Variants in GPM6A observed in about 807,000 individuals in gnomAD.
GPM6A encodes glycoprotein M6A, also known as neuronal membrane glycoprotein M6-a.
GPM6A carries 7 observed loss-of-function variants against 32.1 expected under a neutral mutation model. The observed-to-expected ratio is 0.22, with a 90% CI of 0.12 to 0.41. GPM6A has a LOEUF of 0.41. Ranked by LOEUF, GPM6A falls within the 10% of genes least tolerant of loss-of-function variation. GPM6A has a pLI of 1.00. For synonymous variants in GPM6A, 130 were observed against 123.4 expected (o/e 1.05, Z -0.35); for missense variants, 235 against 347.2 (o/e 0.68, Z 2.57).
chr4:175,794,457 A>T (rs191147649), intron 1 of GPM6A, among the ~76,000 whole-genome samples: 213 of 152,368 alleles, frequency 1.4e-3, no homozygotes, highest in African/African-American at 4.7e-3. Flanking sequence ...ACAATAACTT[A>T]AACAAGGAAT....
At chr4:175,824,428 C>T (rs1207484901) in intron 1 of GPM6A, among the ~76,000 whole-genome samples, 1 of 152,188 alleles carries the variant, frequency 6.6e-6, no homozygotes, top group Non-Finnish European at 1.5e-5. Flanking sequence ...CTGTTTTCGG[C>T]ATTTACTATT....
intron 2 of GPM6A, among the ~76,000 whole-genome samples, chr4:175,683,499 G>A (rs997183248): frequency 6.6e-6 from 1 of 152,142 alleles, no homozygotes; most frequent in Non-Finnish European, 1.5e-5. Context: ...GAGTCCAGGA[G>A]TGGAGTGATA....
In GPM6A at chr4:175,852,799, C is replaced by A. The variant is rs564690857; in HGVS notation, c.-22-40550G>T. 4.6e-5 allele frequency among the ~76,000 whole-genome samples: 7 copies of A among 152,222 alleles called. No homozygotes were observed. In the South Asian group the frequency reaches 1.4e-3, roughly 32 times the overall value. On this transcript the variant is annotated intron_variant, in intron 1 of 7. Transcript: ENST00000280187. ...TCAGGGAAACAGGAAGGAAAAAAAT[C>A]TTGAAACTTCAATGAAAATGTCAAA...
At chr4:175,848,432 T>G (rs915945617) in intron 1 of GPM6A, among the ~76,000 whole-genome samples, 17 of 152,130 alleles carry the variant, frequency 1.1e-4, no homozygotes, top group African/African-American at 4.1e-4. Flanking sequence ...ATACCTACAT[T>G]TGAAAAATAT....
At chr4:175,890,845 C>T (rs1157795574) in intron 1 of GPM6A, among the ~76,000 whole-genome samples, 1 of 152,106 alleles carries the variant, frequency 6.6e-6, no homozygotes, top group African/African-American at 2.4e-5. Context: ...CATGAGCCAT[C>T]ACACCCCTCT....
chr4:175,692,239 C>A (rs1472694782), intron 2 of GPM6A, among the ~76,000 whole-genome samples: 1 of 152,240 alleles, frequency 6.6e-6, no homozygotes, highest in East Asian at 1.9e-4. Context: ...GTCTAGATTT[C>A]TTCCCTGGGA....
intron 1 of GPM6A, among the ~76,000 whole-genome samples, chr4:175,900,440 T>C (rs1737927328): frequency 7.0e-6 from 1 of 143,402 alleles, no homozygotes; most frequent in African/African-American, 2.6e-5. Flanking sequence ...AATAATCCGG[T>C]CAAAAAATGG....
intron 1 of GPM6A, among the ~76,000 whole-genome samples, chr4:175,758,216 C>T (rs1252596795): frequency 1.1e-4 from 16 of 152,138 alleles, no homozygotes; most frequent in Admixed American, 1.0e-3. Context: ...TATTTTAAAA[C>T]ATACAACACA....
chr4:175,766,653 C>CTTTT (rs763676067), intron 1 of GPM6A, among the ~76,000 whole-genome samples: 2 of 132,712 alleles, frequency 1.5e-5, no homozygotes, highest in Non-Finnish European at 1.6e-5. Context: ...TCCACTTACT[C>CTTTT]TTTTTTTTTT....
chr4:175,860,268 G>GA lies in GPM6A; in HGVS notation c.-22-48020dup, dbSNP rs33912412. 7.3e-3 allele frequency among the ~76,000 whole-genome samples: 1,094 copies of GA among 150,134 alleles called. 12 individuals are homozygous for GA. The highest frequency in any genetic ancestry group is 0.024 in the African/African-American group (995 of 40,874). Reference sequence around the variant, plus strand: ...CAATGAAACTGAAAGCTGAGTCTTTGAAAAAAAAATCGATAAAATTAACAA... The same window carrying GA: ...CAATGAAACTGAAAGCTGAGTCTTTGAAAAAAAAAATCGATAAAATTAACAA... On this transcript the variant is annotated intron_variant, in intron 1 of 7. Transcript: ENST00000280187.
chr4:175,649,662 G>A (rs1341282059), intron 4 of GPM6A, among the ~76,000 whole-genome samples: 1 of 152,140 alleles, frequency 6.6e-6, no homozygotes, highest in Non-Finnish European at 1.5e-5. Context: ...CGACCCTCAT[G>A]TTTTCCTGTG....
At chr4:176,002,369 C>A (rs1255102886), upstream of GPM6A, 23 of 1,565,288 alleles carry the variant, frequency 1.5e-5, no homozygotes, top group Non-Finnish European at 2.0e-5. Context: ...CCAGACGCTG[C>A]GCGGGGCCAA....
At chr4:175,976,625 G>T (rs1183432418) in intron 1 of GPM6A, among the ~76,000 whole-genome samples, 1 of 152,136 alleles carries the variant, frequency 6.6e-6, no homozygotes, top group East Asian at 1.9e-4. Context: ...ACAACAAAGA[G>T]GGCAAAGTGC....
In GPM6A at chr4:175,948,997, G is replaced by A. The variant is rs115870707; in HGVS notation, c.-23+53312C>T. Among the ~76,000 whole-genome samples the A allele has an allele frequency of 9.2e-3, 1,388 of 151,286 alleles. 19 individuals carry two copies. Among genetic ancestry groups the A allele is most frequent in the African/African-American group, 0.032 (1,325 of 41,154 alleles). ...TGTGTGTGTGTGTGTGTGTGTGTTG[G>A]GGGGATGTGGTGGAGGGATGAGGTA... On this transcript the variant is annotated intron_variant, in intron 1 of 7. Coordinates refer to the GPM6A transcript ENST00000280187.
intron 1 of GPM6A, among the ~76,000 whole-genome samples, chr4:175,871,030 C>A (rs1040810517): frequency 6.6e-6 from 1 of 151,960 alleles, no homozygotes; most frequent in African/African-American, 2.4e-5. Flanking sequence ...AACCATTCAT[C>A]TTCTTAATCC....
rs75943128 is a variant in GPM6A at position 175,799,380 on chromosome 4, G to A, written c.37+12811C>T. Among the ~76,000 whole-genome samples the A allele has an allele frequency of 2.5e-3, 382 of 152,118 alleles. 1 individual carries two copies. The highest frequency in any genetic ancestry group is 8.7e-3 in the African/African-American group (362 of 41,488). On this transcript the variant is annotated intron_variant, in intron 1 of 6. Coordinates refer to ENST00000393658, the MANE Select transcript of GPM6A (RefSeq NM_201591.3). Reference sequence around the variant, plus strand: ...AGCATTCAATGACCTCTTCCAAAACGAGAGGCACTGAGCTCATAGTTTTTA... The same window carrying A: ...AGCATTCAATGACCTCTTCCAAAACAAGAGGCACTGAGCTCATAGTTTTTA...
In GPM6A at chr4:175,887,349, A is replaced by G. The variant is rs567571413; in HGVS notation, c.-22-75100T>C. 4.6e-5 allele frequency among the ~76,000 whole-genome samples: 7 copies of G among 152,126 alleles called. No individual in the cohort carries two copies. The South Asian group carries it at 1.2e-3, about 27-fold the overall frequency. On this transcript the variant is annotated intron_variant, in intron 1 of 7. Coordinates refer to the GPM6A transcript ENST00000280187. ...GTGGGTTAAAGAAAAATTAATAATA[A>G]ACTTGACAAAATACAACTGAACTTC...
At position 175,889,865 on chromosome 4, in the gene GPM6A, A is replaced by C. The variant is rs538896991; in HGVS notation, c.-22-77616T>G. On this transcript the variant is annotated intron_variant, in intron 1 of 7. Coordinates refer to the GPM6A transcript ENST00000280187. ...AAGAAAGAAAGAAAAACGAGCAAAG[A>C]AAAGAAAAGAAGAGGCCATGAAAAA... is the stretch of plus-strand genomic sequence containing the variant. 7.2e-5 allele frequency among the ~76,000 whole-genome samples: 11 copies of C among 152,162 alleles called. No individual in the cohort carries two copies. In the South Asian group the frequency reaches 2.3e-3, roughly 32 times the overall value.
intron 1 of GPM6A, among the ~76,000 whole-genome samples, chr4:175,897,012 C>T (rs1737815651): frequency 6.6e-6 from 1 of 151,990 alleles, no homozygotes; most frequent in South Asian, 2.1e-4. Context: ...CCTCATGAAT[C>T]AGTCAGGGCC....
Sources: gnomAD v4.1 joint callset for allele counts (sites outside exome capture counted in the v4.1 genomes callset) on GRCh38, gnomAD v4.1.1 for gene constraint, MANE v1.5 for transcripts, NCBI Gene and HGNC (gene_info 2026-07-23, HGNC 2026-07-21) for gene names.